GRIA4: variants seen among roughly 807,000 people sequenced by gnomAD.
GRIA4 encodes the protein glutamate ionotropic receptor AMPA type subunit 4.
A neutral mutation model predicts 104.0 loss-of-function variants in GRIA4; 34 were observed. The observed-to-expected ratio is 0.33, with a 90% CI of 0.25 to 0.44. The LOEUF (loss-of-function observed/expected upper bound fraction) is 0.44. GRIA4 is among the 20% of genes least tolerant of loss of function. The pLI is 1.00. For synonymous variants in GRIA4, 386 were observed against 381.9 expected (o/e 1.01, Z -0.13); for missense variants, 750 against 1,096.5 (o/e 0.68, Z 4.46).
chr11:105,908,994 T>C (rs1376195870), intron 9 of GRIA4, among the ~76,000 whole-genome samples: 3 of 152,132 alleles, frequency 2.0e-5, no homozygotes, highest in Admixed American at 6.6e-5. Flanking sequence ...AAATATATAC[T>C]TGTTTTAAAT....
chr11:105,750,246 A>G (rs1939921281), intron 3 of GRIA4, among the ~76,000 whole-genome samples: 1 of 152,122 alleles, frequency 6.6e-6, no homozygotes, highest in Non-Finnish European at 1.5e-5. Context: ...TACTAACATA[A>G]TAACATTGAA....
intron 3 of GRIA4, among the ~76,000 whole-genome samples, chr11:105,630,988 T>C (rs940762118): frequency 1.3e-5 from 2 of 152,208 alleles, no homozygotes; most frequent in African/African-American, 4.8e-5. Context: ...ACATCACAGC[T>C]CTTTATTTAA....
intron 14 of GRIA4, chr11:105,965,913 C>T (rs1858340032): frequency 1.5e-6 from 2 of 1,373,616 alleles, no homozygotes; most frequent in South Asian, 1.2e-5. Context: ...AACAGCTGTG[C>T]AGTTTCTTAC....
intron 3 of GRIA4, among the ~76,000 whole-genome samples, chr11:105,701,288 G>A (rs890886569): frequency 1.3e-5 from 2 of 152,202 alleles, no homozygotes; most frequent in Admixed American, 1.3e-4. Context: ...TGCTTGGCAT[G>A]TAGTCAATGT....
At chr11:105,671,322 A>T (rs1952356728) in intron 3 of GRIA4, among the ~76,000 whole-genome samples, 1 of 152,042 alleles carries the variant, frequency 6.6e-6, no homozygotes, top group African/African-American at 2.4e-5. Flanking sequence ...TGTATAGAAG[A>T]GGTGGTCAAC....
chr11:105,719,968 T>C (rs1937678172), intron 3 of GRIA4, among the ~76,000 whole-genome samples: 1 of 151,982 alleles, frequency 6.6e-6, no homozygotes, highest in Non-Finnish European at 1.5e-5. Context: ...CATCATAAGA[T>C]CCCTCAGCAG....
At chr11:105,762,267 G>T (rs1338870608) in intron 4 of GRIA4, among the ~76,000 whole-genome samples, 2 of 152,072 alleles carry the variant, frequency 1.3e-5, no homozygotes, top group East Asian at 3.9e-4. Flanking sequence ...CAAGTGATCT[G>T]CCCGCCTTGG....
In GRIA4 at chr11:105,647,228, T is replaced by C. The variant is rs7118817; in HGVS notation, c.247+34794T>C. Among the ~76,000 whole-genome samples the C allele has an allele frequency of 3.6e-3, 555 of 152,142 alleles. 4 individuals carry two copies. Among genetic ancestry groups the C allele is most frequent in the African/African-American group, 0.013 (532 of 41,484 alleles). ...CCACTAGTCATTAGAAAAATGCAAATCAAAACCACAATGAGATGCCATCTC... is the reference window on the plus strand; with the variant it reads ...CCACTAGTCATTAGAAAAATGCAAACCAAAACCACAATGAGATGCCATCTC... On this transcript the variant is annotated intron_variant, in intron 3 of 16. Coordinates refer to ENST00000282499, the MANE Select transcript of GRIA4 (RefSeq NM_000829.4).
chr11:105,758,048 A>G (rs531192470), intron 4 of GRIA4, among the ~76,000 whole-genome samples: 1 of 152,248 alleles, frequency 6.6e-6, no homozygotes, highest in South Asian at 2.1e-4. Flanking sequence ...GTTTAGGACT[A>G]ACCTGGACAT....
intron 13 of GRIA4, among the ~76,000 whole-genome samples, chr11:105,930,214 C>T (rs1329405658): frequency 6.6e-6 from 1 of 152,102 alleles, no homozygotes; most frequent in Non-Finnish European, 1.5e-5. Context: ...CTTGCAGTCA[C>T]AGATAAGGCA....
chr11:105,616,705 C>G (rs949857147), intron 3 of GRIA4, among the ~76,000 whole-genome samples: 1 of 151,636 alleles, frequency 6.6e-6, no homozygotes, highest in Non-Finnish European at 1.5e-5. Flanking sequence ...GATGATTTGA[C>G]TTGCAAAGTT....
chr11:105,981,548 A>T lies in GRIA4; in HGVS notation c.*1809A>T, dbSNP rs1015942147. On this transcript the variant is annotated 3_prime_UTR_variant, in exon 17 of 17. Transcript: ENST00000282499. ...TGCAGTAAGAGCAATCTTAAACAGT[A>T]TAAATCACACACACACACACACACA... 3.3e-5 allele frequency: 2 copies of T among 61,360 alleles called. No individual in the cohort carries two copies. The highest frequency in any genetic ancestry group is 6.4e-5 in the Non-Finnish European group (2 of 31,170). The allele number at this position is 61,360 out of a possible 1,614,324, so 3.8% of individuals were successfully genotyped here. A position where few individuals can be genotyped will look rare whatever the true frequency, so the allele number is the denominator to read the frequency against.
At chr11:105,811,326 G>T (rs1943163856) in intron 4 of GRIA4, among the ~76,000 whole-genome samples, 1 of 152,138 alleles carries the variant, frequency 6.6e-6, no homozygotes, top group South Asian at 2.1e-4. Context: ...CAACTTATCT[G>T]GAAGGCAGAG....
At chr11:105,694,607 C>T (rs1337958556) in intron 3 of GRIA4, among the ~76,000 whole-genome samples, 2 of 151,924 alleles carry the variant, frequency 1.3e-5, no homozygotes, top group African/African-American at 2.4e-5. Context: ...ACACTTACTG[C>T]ACATCTTAAT....
Position 105,898,351 on chromosome 11 carries a change from C to T in GRIA4, c.809C>T (p.Pro270Leu), listed in dbSNP as rs754315891. The change falls in exon 7 of 17, where the codon CCT becomes CTT. Residue 270 changes from proline (P) to leucine (L), a missense_variant. By Grantham distance (98) the Pro-to-Leu change is moderately conservative (BLOSUM62 -3). Coordinates refer to ENST00000282499, the MANE Select transcript of GRIA4 (RefSeq NM_000829.4). ...TTCCAGTTGGTGGATTTTAATACAC[C>T]TATGGTAATCAAACTAATGGATCGC... ...TGFQLVDFNT[P>L]MVIKLMDRWK... The T allele has an allele frequency of 2.3e-4, 361 of 1,577,470 alleles. No individual in the cohort carries two copies. The highest frequency in any genetic ancestry group is 3.1e-4 in the Non-Finnish European group (356 of 1,147,210).
At chr11:105,767,248 T>C (rs1940986873) in intron 4 of GRIA4, among the ~76,000 whole-genome samples, 1 of 152,094 alleles carries the variant, frequency 6.6e-6, no homozygotes, top group Non-Finnish European at 1.5e-5. Context: ...GGCCCGCTAA[T>C]GAATGATCAG....
Position 105,610,887 on chromosome 11 carries a change from TTTGG to T in GRIA4, c.-90-17_-90-14del. The T allele has an allele frequency of 5.5e-6, 2 of 365,872 alleles. No individual in the cohort carries two copies. Among genetic ancestry groups the T allele is most frequent in the Non-Finnish European group, 9.5e-6 (2 of 209,566 alleles). The allele number at this position is 365,872 out of a possible 1,614,324, so 22.7% of individuals were successfully genotyped here. ...TTTCTTTTCTTTTTTTTTTTTTTTT[TTTGG>T]TTGATTTTAATTTTAGCGCCATCGT... On this transcript the variant is annotated splice_polypyrimidine_tract_variant and intron_variant, in intron 1 of 16. Coordinates refer to ENST00000282499, the MANE Select transcript of GRIA4 (RefSeq NM_000829.4).
chr11:105,884,172 T>G (rs2136089119), intron 5 of GRIA4, among the ~76,000 whole-genome samples: 1 of 152,344 alleles, frequency 6.6e-6, no homozygotes, highest in South Asian at 2.1e-4. Flanking sequence ...CCCTGGGCAT[T>G]GTTTTCCCAT....
intron 4 of GRIA4, among the ~76,000 whole-genome samples, chr11:105,783,564 A>T (rs1203234800): frequency 6.6e-6 from 1 of 152,238 alleles, no homozygotes; most frequent in East Asian, 1.9e-4. Context: ...ACAGCTGCTC[A>T]TCAGAAACAC....
Sources: gnomAD v4.1 joint callset for allele counts (sites outside exome capture counted in the v4.1 genomes callset) on GRCh38, gnomAD v4.1.1 for gene constraint, MANE v1.5 for transcripts, NCBI Gene and HGNC (gene_info 2026-07-23, HGNC 2026-07-21) for gene names.